The following SPEF2 variants were observed in gnomAD, a reference collection of about 807,000 sequenced individuals.
SPEF2 encodes sperm flagella and cilia-associated protein 2.
SPEF2 carries 187 observed loss-of-function variants against 224.6 expected under a neutral mutation model. The observed-to-expected ratio is 0.83, with a 90% confidence interval of 0.74 to 0.94. The LOEUF (loss-of-function observed/expected upper bound fraction) is 0.94. SPEF2 is among the 40% of genes least tolerant of loss of function. SPEF2 has a pLI of 0.00. For synonymous variants in SPEF2, 715 were observed against 707.3 expected (o/e 1.01, Z -0.17); for missense variants, 2,170 against 2,135.6 (o/e 1.02, Z -0.32).
chr5:35,809,804 C>A (rs1000804045), intron 36 of SPEF2, among the ~76,000 whole-genome samples: 1 of 152,136 alleles, frequency 6.6e-6, no homozygotes, highest in Non-Finnish European at 1.5e-5. Flanking sequence ...TCATCCTGCA[C>A]AACGTGGATT....
rs537217496 is a variant in SPEF2 at position 35,806,731 on chromosome 5, G to A, written c.5035G>A (p.Ala1679Thr). ...EKTSSTDAGP[A>T]EEFPEPEENA... Reference sequence around the variant, plus strand: ...GACCTCCTCAACTGATGCAGGTCCAGCTGAGGAATTTCCTGAACCTGAGGA... The same window carrying A: ...GACCTCCTCAACTGATGCAGGTCCAACTGAGGAATTTCCTGAACCTGAGGA... Residue 1679 changes from alanine to threonine, a missense_variant, in exon 35 of 37, where the codon GCT becomes ACT. Transcript: ENST00000356031. 6.2e-7 allele frequency: 1 copy of A among 1,613,770 alleles called. No homozygotes were observed. Among genetic ancestry groups the A allele is most frequent in the African/African-American group, 1.3e-5 (1 of 74,966 alleles).
chr5:35,671,612 T>TTGCTAAACAGCTCAATCTCTA, intron 10 of SPEF2: 1 of 748,062 alleles, frequency 1.3e-6, no homozygotes, highest in Non-Finnish European at 1.6e-6. Context: ...TCTAAATTAC[T>TTGCTAAACAGCTCAATCTCTA]TGCTAAACAG....
At chr5:35,644,909 C>A in intron 4 of SPEF2, among the ~76,000 whole-genome samples, 1 of 152,214 alleles carries the variant, frequency 6.6e-6, no homozygotes, top group East Asian at 1.9e-4. Context: ...AATGTCCTCT[C>A]GCTTTCTCCT....
At chr5:35,712,754 A>G in intron 19 of SPEF2, 58 bp from the exon 20 acceptor site, 1 of 1,546,882 alleles carries the variant, frequency 6.5e-7, no homozygotes, top group East Asian at 2.2e-5. Flanking sequence ...TTACAATCAT[A>G]TAGCCCAGGC....
At chr5:35,746,413 CA>C (rs952334672) in intron 23 of SPEF2, among the ~76,000 whole-genome samples, 2 of 151,828 alleles carry the variant, frequency 1.3e-5, no homozygotes, top group South Asian at 2.1e-4. Context: ...CAAGGAAATC[CA>C]AAAAATGATA....
intron 26 of SPEF2, 107 bp from the exon 27 acceptor site, chr5:35,771,502 T>C: frequency 1.4e-6 from 2 of 1,398,310 alleles, no homozygotes; most frequent in East Asian, 2.4e-5. Context: ...GGCACAATTG[T>C]TTACAGTGGA....
chr5:35,651,491 C>T (rs973971114), intron 6 of SPEF2, among the ~76,000 whole-genome samples: 12 of 152,170 alleles, frequency 7.9e-5, no homozygotes, highest in African/African-American at 2.4e-4. Flanking sequence ...CAGTGTGTTG[C>T]ACAAAGTTCG....
intron 23 of SPEF2, among the ~76,000 whole-genome samples, chr5:35,752,879 C>T (rs1313450596): frequency 1.3e-5 from 2 of 151,166 alleles, no homozygotes; most frequent in African/African-American, 4.8e-5. Flanking sequence ...CACATAGATA[C>T]ACACTGAAAG....
intron 23 of SPEF2, among the ~76,000 whole-genome samples, chr5:35,749,359 C>T (rs1457846794): frequency 2.0e-5 from 3 of 152,038 alleles, no homozygotes; most frequent in Non-Finnish European, 4.4e-5. Context: ...CCAGAGCAAT[C>T]AGACTAGAGA....
chr5:35,809,441 T>C (rs550886628), intron 36 of SPEF2, among the ~76,000 whole-genome samples: 14 of 152,026 alleles, frequency 9.2e-5, no homozygotes, highest in Non-Finnish European at 1.9e-4. Flanking sequence ...AGGAATAAGC[T>C]AGGTCTTGAA....
chr5:35,767,918 C>T (rs1209279904), intron 26 of SPEF2, among the ~76,000 whole-genome samples: 3 of 151,946 alleles, frequency 2.0e-5, no homozygotes, highest in African/African-American at 7.2e-5. Flanking sequence ...ATCTTGATTC[C>T]TGACCAGTTA....
At position 35,691,095 on chromosome 5, in the gene SPEF2, A is replaced by G; in HGVS notation, c.1583A>G (p.Asn528Ser). 1.2e-6 allele frequency: 2 copies of G among 1,614,086 alleles called. No individual in the cohort carries two copies. The highest frequency in any genetic ancestry group is 1.7e-4 in the Middle Eastern group (1 of 6,060). Residue 528 changes from asparagine to serine, a missense_variant, in exon 11 of 37, where the codon AAC becomes AGC. Coordinates refer to ENST00000356031, the MANE Select transcript of SPEF2 (RefSeq NM_024867.4). ...ATGGTTGACAATTTACCACCCTCCA[A>G]CAATTGCATACTGGGCCATATTCTT... is the stretch of plus-strand genomic sequence containing the variant. ...EEMVDNLPPSNNCILGHILHR... is the reference protein window; with the variant it reads ...EEMVDNLPPSSNCILGHILHR...
intron 23 of SPEF2, among the ~76,000 whole-genome samples, chr5:35,741,329 T>C (rs10069609): frequency 0.018 from 2,778 of 152,160 alleles, 106 homozygotes; most frequent in African/African-American, 0.064. Context: ...ACAACAGAAG[T>C]GATTGGGTAA....
At chr5:35,776,557 A>G (rs1374224934) in intron 29 of SPEF2, among the ~76,000 whole-genome samples, 162 bp downstream of exon 29, 1 of 152,190 alleles carries the variant, frequency 6.6e-6, no homozygotes, top group Non-Finnish European at 1.5e-5. Flanking sequence ...CTTTACTATC[A>G]TGTTTGTATT....
intron 25 of SPEF2, among the ~76,000 whole-genome samples, chr5:35,763,223 G>T (rs368668388): frequency 6.6e-6 from 1 of 152,036 alleles, no homozygotes; most frequent in Non-Finnish European, 1.5e-5. Flanking sequence ...TTCCAAAGTC[G>T]CTTTTCTTTA....
chr5:35,660,973 G>A (rs1277167526), intron 8 of SPEF2, among the ~76,000 whole-genome samples: 5 of 151,836 alleles, frequency 3.3e-5, no homozygotes, highest in African/African-American at 7.3e-5. Flanking sequence ...TTCCAACAGC[G>A]GAGCTATCTA....
At chr5:35,704,487 A>C (rs918054738) in intron 16 of SPEF2, 67 bp from the exon 17 acceptor site, 3 of 977,390 alleles carry the variant, frequency 3.1e-6, no homozygotes, top group Admixed American at 2.0e-5. Flanking sequence ...TTTCACCAGT[A>C]TATTTTAGCA....
intron 8 of SPEF2, among the ~76,000 whole-genome samples, chr5:35,661,415 A>AAT (rs975027351): frequency 1.3e-5 from 2 of 148,716 alleles, no homozygotes; most frequent in African/African-American, 2.5e-5. Flanking sequence ...GTTAACAAAA[A>AAT]ATATATATAT....
intron 7 of SPEF2, among the ~76,000 whole-genome samples, chr5:35,655,796 C>T (rs1223333603): frequency 6.6e-6 from 1 of 152,146 alleles, no homozygotes; most frequent in Non-Finnish European, 1.5e-5. Context: ...GTAAGATACA[C>T]AGAAAGAAAT....
Sources: gnomAD v4.1 joint callset for allele counts (sites outside exome capture counted in the v4.1 genomes callset) on GRCh38, gnomAD v4.1.1 for gene constraint, MANE v1.5 for transcripts, NCBI Gene and HGNC (gene_info 2026-07-23, HGNC 2026-07-21) for gene names.